ADAMTSL1: variants seen among roughly 807,000 people sequenced by gnomAD.
The protein encoded by ADAMTSL1 is ADAMTS like 1.
A neutral mutation model predicts 201.8 loss-of-function variants in ADAMTSL1; 126 were observed. The ratio of observed to expected loss-of-function variants is 0.62; its 90% confidence interval spans 0.54 to 0.72. The LOEUF is 0.72. Among genes scored for constraint, ADAMTSL1 ranks in the 30% least tolerant of loss-of-function variants. The pLI, the probability that ADAMTSL1 is intolerant of heterozygous loss-of-function variation, is 0.00. For synonymous variants in ADAMTSL1, 1,121 were observed against 903.4 expected, an observed-to-expected ratio of 1.24 and a Z score of -4.32; for missense variants, 2,679 against 2,277.8, an observed-to-expected ratio of 1.18 and a Z score of -3.59.
At position 18,706,901 on chromosome 9, in the gene ADAMTSL1, G is replaced by A. The variant is rs765038330; in HGVS notation, c.1729G>A (p.Ala577Thr). 5 of 1,613,846 alleles carry A rather than the reference G, an allele frequency of 3.1e-6. No individual in the cohort carries two copies. Among genetic ancestry groups the A allele is most frequent in the Non-Finnish European group, 3.4e-6 (4 of 1,179,874 alleles). Residue 577 changes from alanine (A) to threonine (T), a missense_variant, in exon 14 of 29, where the codon GCC becomes ACC. Ala to Thr is a moderately conservative substitution (Grantham distance 58). Coordinates refer to ENST00000380548, the MANE Select transcript of ADAMTSL1 (RefSeq NM_001040272.6). Reference sequence around the variant, plus strand: ...AGGGCCCAAGCCAGCATCCCAGCGTGCCTGTTATGCAGGCCCATGCAGCGG... The same window carrying A: ...AGGGCCCAAGCCAGCATCCCAGCGTACCTGTTATGCAGGCCCATGCAGCGG... Reference protein sequence around the residue: ...CEGPKPASQRACYAGPCSGEI... With the variant: ...CEGPKPASQRTCYAGPCSGEI...
intron 2 of ADAMTSL1, among the ~76,000 whole-genome samples, chr9:18,224,078 C>G (rs1830356894): frequency 6.6e-6 from 1 of 151,998 alleles, no homozygotes; most frequent in African/African-American, 2.4e-5. Context: ...TAGAACATGC[C>G]CAGTCCTTAG....
intron 2 of ADAMTSL1, among the ~76,000 whole-genome samples, chr9:18,376,914 T>G (rs1837321458): frequency 1.3e-5 from 2 of 149,304 alleles, no homozygotes; most frequent in Admixed American, 1.3e-4. Context: ...AAATAGTTAT[T>G]TAAAATAAAA....
chr9:18,650,574 T>C (rs1241950587), intron 7 of ADAMTSL1, among the ~76,000 whole-genome samples: 3 of 152,198 alleles, frequency 2.0e-5, no homozygotes, highest in Non-Finnish European at 2.9e-5. Context: ...CAAAATATCA[T>C]TTTTGTTTCT....
chr9:17,995,064 G>C (rs532799881), intron 1 of ADAMTSL1, among the ~76,000 whole-genome samples: 1 of 152,228 alleles, frequency 6.6e-6, no homozygotes, highest in Non-Finnish European at 1.5e-5. Flanking sequence ...GCACTACCTA[G>C]GGAGCTTGTT....
intron 21 of ADAMTSL1, among the ~76,000 whole-genome samples, chr9:18,817,938 C>G (rs1189303415): frequency 3.3e-5 from 5 of 152,140 alleles, no homozygotes; most frequent in African/African-American, 1.2e-4. Context: ...ACAGGCATTG[C>G]TCTCAGGTGG....
chr9:18,060,265 C>G (rs895642167), intron 1 of ADAMTSL1, among the ~76,000 whole-genome samples: 1 of 152,070 alleles, frequency 6.6e-6, no homozygotes, highest in African/African-American at 2.4e-5. Context: ...TTTCTTTTGC[C>G]TGGATCAAAT....
intron 2 of ADAMTSL1, among the ~76,000 whole-genome samples, chr9:18,318,593 G>A (rs1332576090): frequency 6.6e-6 from 1 of 152,178 alleles, no homozygotes; most frequent in Non-Finnish European, 1.5e-5. Flanking sequence ...ACTGGTTCCT[G>A]ACCAGAGGAG....
intron 1 of ADAMTSL1, among the ~76,000 whole-genome samples, chr9:18,481,914 A>G (rs1028593663): frequency 2.6e-5 from 4 of 152,154 alleles, no homozygotes; most frequent in African/African-American, 9.7e-5. Flanking sequence ...CTGCCCCACT[A>G]TCACTGGGGA....
rs199689259 is a variant in ADAMTSL1, at chr9:18,775,828, A to T, written c.2483A>T (p.Asn828Ile). 1.2e-6 allele frequency: 2 copies of T among 1,608,398 alleles called. No individual in the cohort carries two copies. The highest frequency in any genetic ancestry group is 1.7e-6 in the Non-Finnish European group (2 of 1,177,170). Residue 828 changes from asparagine (N) to isoleucine (I), a missense_variant, in exon 18 of 29, where the codon AAT becomes ATT. Transcript: ENST00000380548. ...MLKTGLSTVV[N>I]STLCPPLPFS... ...AAAACCGGCCTCTCAACGGTTGTCA[A>T]TTCCACCCTGTGCCCGCCCCTGCCT...
intron 2 of ADAMTSL1, among the ~76,000 whole-genome samples, chr9:18,218,944 G>T (rs867004167): frequency 6.6e-6 from 1 of 151,802 alleles, no homozygotes; most frequent in Non-Finnish European, 1.5e-5. Context: ...TTAATATAAG[G>T]TTCTAATTTG....
At chr9:18,385,157 C>G (rs1214103659) in intron 2 of ADAMTSL1, among the ~76,000 whole-genome samples, 1 of 152,136 alleles carries the variant, frequency 6.6e-6, no homozygotes, top group African/African-American at 2.4e-5. Context: ...TGTGGAGAGT[C>G]TGGGCTATTT....
intron 1 of ADAMTSL1, among the ~76,000 whole-genome samples, chr9:18,035,118 C>A (rs573941418): frequency 6.6e-6 from 1 of 152,270 alleles, no homozygotes; most frequent in African/African-American, 2.4e-5. Context: ...TTATCTTTAT[C>A]AAAGGATAAA....
chr9:18,012,588 A>G (rs1452969608), intron 1 of ADAMTSL1, among the ~76,000 whole-genome samples: 1 of 152,048 alleles, frequency 6.6e-6, no homozygotes, highest in African/African-American at 2.4e-5. Context: ...GAGGGAAGAG[A>G]ATAGTCACAG....
At chr9:18,406,319 C>CTTTTCTT in intron 2 of ADAMTSL1, among the ~76,000 whole-genome samples, 1 of 147,852 alleles carries the variant, frequency 6.8e-6, no homozygotes, top group Admixed American at 7.0e-5. Context: ...CTTTTCTTTT[C>CTTTTCTT]TTTTCTTTTC....
At chr9:18,806,068 G>C (rs1823097597) in intron 20 of ADAMTSL1, among the ~76,000 whole-genome samples, 1 of 152,176 alleles carries the variant, frequency 6.6e-6, no homozygotes, top group Non-Finnish European at 1.5e-5. Flanking sequence ...AAATTATTTT[G>C]AAGTATATTC....
At chr9:18,218,272 T>C (rs1344159454) in intron 2 of ADAMTSL1, among the ~76,000 whole-genome samples, 1 of 152,166 alleles carries the variant, frequency 6.6e-6, no homozygotes, top group Admixed American at 6.5e-5. Context: ...AAAATATCAG[T>C]ACCTTTTAAA....
chr9:18,789,910 C>G (rs1821925211), intron 19 of ADAMTSL1, among the ~76,000 whole-genome samples: 1 of 152,202 alleles, frequency 6.6e-6, no homozygotes, highest in African/African-American at 2.4e-5. Flanking sequence ...CCCACAATTT[C>G]TAGCTTCCAG....
At chr9:18,745,798 G>C (rs1291653740) in intron 15 of ADAMTSL1, among the ~76,000 whole-genome samples, 1 of 151,938 alleles carries the variant, frequency 6.6e-6, no homozygotes. Flanking sequence ...TCACATATTT[G>C]TAACTCTCTC....
At chr9:18,314,790 T>TTTA (rs1834304139) in intron 2 of ADAMTSL1, among the ~76,000 whole-genome samples, 1 of 87,422 alleles carries the variant, frequency 1.1e-5, no homozygotes, top group East Asian at 2.7e-4. Flanking sequence ...TGCTTTTTTT[T>TTTA]TTTTTTTTTT....
Sources: gnomAD v4.1 joint callset for allele counts (sites outside exome capture counted in the v4.1 genomes callset) on GRCh38, gnomAD v4.1.1 for gene constraint, MANE v1.5 for transcripts, NCBI Gene and HGNC (gene_info 2026-07-23, HGNC 2026-07-21) for gene names.